RAPH1: variants seen among roughly 807,000 people sequenced by gnomAD.
RAPH1 encodes the protein ras-associated and pleckstrin homology domains-containing protein 1.
RAPH1 carries 18 observed loss-of-function variants against 88.1 expected under a neutral mutation model. The ratio of observed to expected loss-of-function variants is 0.20; its 90% CI spans 0.14 to 0.30. The LOEUF (loss-of-function observed/expected upper bound fraction) is 0.30. RAPH1 is among the 10% of genes least tolerant of loss of function. The pLI is 1.00. For missense variants in RAPH1, 1,448 were observed against 1,543.2 expected (o/e 0.94, Z 1.03); for synonymous variants, 587 against 559.0 (o/e 1.05, Z -0.71).
At chr2:203,509,066 ATTTTTTT>A (rs34628795) in intron 1 of RAPH1, among the ~76,000 whole-genome samples, 2 of 120,502 alleles carry the variant, frequency 1.7e-5, no homozygotes, top group East Asian at 2.3e-4. Flanking sequence ...TTAAAAAATA[ATTTTTTT>A]TTTTTTTTTT....
chr2:203,533,793 C>T (rs1023072091), intron 1 of RAPH1, among the ~76,000 whole-genome samples: 9 of 152,122 alleles, frequency 5.9e-5, no homozygotes, highest in African/African-American at 1.7e-4. Flanking sequence ...CTGTTAAACA[C>T]CTCTATGCCA....
At chr2:203,447,930 A>G (rs940477744) in intron 12 of RAPH1, 29 bp downstream of exon 12, 1 of 1,613,026 alleles carries the variant, frequency 6.2e-7, no homozygotes, top group Non-Finnish European at 8.5e-7. Context: ...ATTAATCGCA[A>G]AATAGTGCTT....
At chr2:203,454,389 C>T (rs1448946060) in intron 10 of RAPH1, 41 bp downstream of exon 10, 2 of 1,335,450 alleles carry the variant, frequency 1.5e-6, no homozygotes, top group Admixed American at 3.7e-5. Context: ...TGCTCTATGT[C>T]TAACATCAAT....
At chr2:203,460,568 G>A (rs1475676670) in intron 6 of RAPH1, among the ~76,000 whole-genome samples, 22 of 151,532 alleles carry the variant, frequency 1.5e-4, no homozygotes, top group South Asian at 2.1e-4. Context: ...TTTGTTTCCC[G>A]AGTCAAATGC....
Position 203,441,343 on chromosome 2 carries a change from A to G in RAPH1, c.1847T>C (p.Val616Ala), listed in dbSNP as rs1272340142. Residue 616 changes from valine (V) to alanine (A), a missense_variant, in exon 14 of 14, where the codon GTC (valine) becomes GCC (alanine). Around this residue, in one of 2 missense-constraint regions of RAPH1, gnomAD observed 935 missense variants for 890.1 expected, o/e 1.05. Coordinates refer to ENST00000319170, the MANE Select transcript of RAPH1 (RefSeq NM_213589.3). ...AGGCTGTGAAGCAGTGTAGGGGGTGACTATCTTAGGTTGCGGGGATAAAGG... is the reference window on the plus strand; with the variant it reads ...AGGCTGTGAAGCAGTGTAGGGGGTGGCTATCTTAGGTTGCGGGGATAAAGG... ...VPPLSPQPKI[V>A]TPYTASQPSP... is the part of the protein sequence containing the mutation. 2 of 1,574,470 alleles carry G rather than the reference A, an allele frequency of 1.3e-6. No homozygotes were observed. Among genetic ancestry groups the G allele is most frequent in the Non-Finnish European group, 8.6e-7 (1 of 1,162,458 alleles).
chr2:203,513,967 C>T (rs1689483071), intron 1 of RAPH1, among the ~76,000 whole-genome samples: 1 of 151,990 alleles, frequency 6.6e-6, no homozygotes, highest in South Asian at 2.1e-4. Flanking sequence ...GCCTGAGCCT[C>T]CAGAGTGGCT....
At position 203,438,282 on chromosome 2, in the gene RAPH1, C is replaced by T. The variant is rs2098500122; in HGVS notation, c.*1155G>A. On this transcript the variant is annotated 3_prime_UTR_variant, in exon 14 of 14. Coordinates refer to ENST00000319170, the MANE Select transcript of RAPH1 (RefSeq NM_213589.3). ...TTACATATTATAACCCATATACAAC[C>T]AGATTAATGACACCTGTACAGGGGC... is the stretch of plus-strand genomic sequence containing the variant. 1 of 455,098 alleles carries T rather than the reference C, an allele frequency of 2.2e-6. No homozygotes were observed. The highest frequency in any genetic ancestry group is 4.4e-6 in the Non-Finnish European group (1 of 227,204). 28.2% of individuals were successfully genotyped at this position (455,098 alleles called of 1,614,324 possible).
At position 203,506,898 on chromosome 2, in the gene RAPH1, A is replaced by ATT. The variant is rs1243668890; in HGVS notation, c.1-11547_1-11546dup. On this transcript the variant is annotated intron_variant, in intron 1 of 13. Coordinates refer to ENST00000319170, the MANE Select transcript of RAPH1 (RefSeq NM_213589.3). Reference sequence around the variant, plus strand: ...TATATATAGATATATATATATATATATTTTTTTTTTTTTTGAGATGAACTT... The same window carrying ATT: ...TATATATAGATATATATATATATATATTTTTTTTTTTTTTTTGAGATGAACTT... 1.9e-3 allele frequency among the ~76,000 whole-genome samples: 164 copies of ATT among 87,862 alleles called. 14 individuals are homozygous for ATT. The highest frequency in any genetic ancestry group is 6.9e-3 in the African/African-American group (108 of 15,632). 57.6% of individuals were successfully genotyped at this position (87,862 alleles called of 152,430 possible).
intron 4 of RAPH1, among the ~76,000 whole-genome samples, chr2:203,482,275 G>A (rs908588160): frequency 6.6e-6 from 1 of 151,688 alleles, no homozygotes; most frequent in African/African-American, 2.4e-5. Flanking sequence ...AACCTCTGCC[G>A]CCCAGGTTCA....
chr2:203,522,556 A>G (rs1227200914), intron 1 of RAPH1, among the ~76,000 whole-genome samples: 1 of 152,180 alleles, frequency 6.6e-6, no homozygotes, highest in African/African-American at 2.4e-5. Context: ...GAAACTGACA[A>G]GAGTATTCTA....
At chr2:203,459,794 G>T in intron 7 of RAPH1, 113 bp downstream of exon 7, 1 of 1,078,836 alleles carries the variant, frequency 9.3e-7, no homozygotes, top group Non-Finnish European at 1.4e-6. Flanking sequence ...GATTTTGCAG[G>T]TATATCGCTC....
chr2:203,461,102 C>T (rs891891171), intron 6 of RAPH1, 147 bp downstream of exon 6: 6 of 272,016 alleles, frequency 2.2e-5, no homozygotes, highest in African/African-American at 4.5e-5. Flanking sequence ...GGTGACAGAG[C>T]GAGACTCCAT....
rs775734608 is a variant in RAPH1, at chr2:203,483,943, GC to G, written c.732+5640del. On this transcript the variant is annotated intron_variant, in intron 4 of 13. Coordinates refer to ENST00000319170, the MANE Select transcript of RAPH1 (RefSeq NM_213589.3). ...TACCATGGGCTTTCCTGGTTCCGAGGCTTTTTGACTTGGACTAAGTCACACT... is the reference window on the plus strand; with the variant it reads ...TACCATGGGCTTTCCTGGTTCCGAGGTTTTTGACTTGGACTAAGTCACACT... Among the ~76,000 whole-genome samples, 10 of 152,198 alleles carry G rather than the reference GC, an allele frequency of 6.6e-5. No individual in the cohort carries two copies. In the East Asian group the frequency reaches 1.7e-3, roughly 26 times the overall value.
rs1358940326 is a variant in RAPH1, at chr2:203,439,747, A to C, written c.3443T>G (p.Val1148Gly). ...TTTGGGAGAGGTGGGCACTTGTGGC[A>C]CAACTGTGGCCATTGTTGGCTGCTC... ...ISEQPTMATV[V>G]PQVPTSPKSS... The change falls in exon 14 of 14, where the codon GTG becomes GGG. Residue 1148 changes from valine (V) to glycine (G), a missense_variant. Coordinates refer to ENST00000319170, the MANE Select transcript of RAPH1 (RefSeq NM_213589.3). 4 of 1,614,052 alleles carry C rather than the reference A, an allele frequency of 2.5e-6. No homozygotes were observed. The highest frequency in any genetic ancestry group is 2.2e-5 in the South Asian group (2 of 91,092).
intron 9 of RAPH1, among the ~76,000 whole-genome samples, chr2:203,454,894 T>C (rs1431085785): frequency 1.3e-5 from 2 of 152,220 alleles, no homozygotes; most frequent in African/African-American, 4.8e-5. Context: ...TCAGTGCCTA[T>C]AATGCATATG....
At position 203,440,445 on chromosome 2, in the gene RAPH1, G is replaced by T. The variant is rs1205030141; in HGVS notation, c.2745C>A (p.Asp915Glu). ...TGCTTTCAGGAGGGGGAGGAGGGAA[G>T]TCCGGAGAAGGGACTGGGATGGAGC... ...QPSSIPVPSPDFPPPPPESSL... is the reference protein window; with the variant it reads ...QPSSIPVPSPEFPPPPPESSL... The change falls in exon 14 of 14, where the codon GAC (aspartate) becomes GAA (glutamate). Residue 915 changes from aspartate to glutamate, a missense_variant. Asp to Glu is a conservative substitution (Grantham distance 45). Around this residue, in one of 2 missense-constraint regions of RAPH1, gnomAD observed 935 missense variants for 890.1 expected, o/e 1.05. Transcript: ENST00000319170. The T allele has an allele frequency of 2.6e-6, 4 of 1,544,348 alleles. No homozygotes were observed. Among genetic ancestry groups the T allele is most frequent in the Non-Finnish European group, 3.5e-6 (4 of 1,146,996 alleles).
At chr2:203,491,403 T>A in intron 2 of RAPH1, 84 bp from the exon 3 acceptor site, 1 of 843,556 alleles carries the variant, frequency 1.2e-6, no homozygotes. Flanking sequence ...TATGATTAAG[T>A]GAACTGCCAC....
intron 3 of RAPH1, among the ~76,000 whole-genome samples, 192 bp from the exon 4 acceptor site, chr2:203,490,281 T>C (rs551672972): frequency 1.3e-5 from 2 of 152,338 alleles, no homozygotes; most frequent in Admixed American, 1.3e-4. Flanking sequence ...TTAAGGCTTG[T>C]AATAATCAGA....
intron 2 of RAPH1, among the ~76,000 whole-genome samples, chr2:203,493,971 CAAAA>C (rs397937732): frequency 1.6e-4 from 3 of 18,964 alleles, no homozygotes; most frequent in African/African-American, 2.7e-4. Flanking sequence ...GACTCTATCT[CAAAA>C]AAAAAAAAAA....
Sources: allele counts gnomAD v4.1 joint callset (sites outside exome capture counted in the v4.1 genomes callset), GRCh38; gene constraint gnomAD v4.1.1; regional missense constraint gnomAD v4.1.1; transcripts MANE v1.5; gene names NCBI Gene and HGNC (gene_info 2026-07-23, HGNC 2026-07-21).